KIAA0825: variants seen among roughly 807,000 people sequenced by gnomAD.
KIAA0825 encodes the protein KIAA0825.
KIAA0825 carries 119 observed loss-of-function variants against 147.6 expected under a neutral mutation model. The ratio of observed to expected loss-of-function variants is 0.81; its 90% CI spans 0.69 to 0.94. KIAA0825 has a LOEUF of 0.94. Among genes scored for constraint, KIAA0825 ranks in the 40% least tolerant of loss-of-function variants. KIAA0825 has a pLI of 0.00. For synonymous variants in KIAA0825, 470 were observed against 518.1 expected (o/e 0.91, Z 1.26); for missense variants, 1,381 against 1,472.7 (o/e 0.94, Z 1.02).
intron 20 of KIAA0825, among the ~76,000 whole-genome samples, chr5:94,213,061 A>G (rs1193378514): frequency 6.6e-6 from 1 of 152,204 alleles, no homozygotes; most frequent in African/African-American, 2.4e-5. Flanking sequence ...CCCATTTCAT[A>G]GATAAGGAAA....
chr5:94,384,402 C>T lies in KIAA0825; in HGVS notation c.3676G>A (p.Asp1226Asn), dbSNP rs1443557039. The change falls in exon 20 of 21, where the codon GAT (aspartate) becomes AAT (asparagine). Residue 1226 changes from aspartate to asparagine, a missense_variant. Coordinates refer to ENST00000682413, the MANE Select transcript of KIAA0825 (RefSeq NM_001145678.3). ...AGCAGCACACTGAAGGTCATCTTAT[C>T]CAGTCTCAGATAATTTGGCAGCAAC... ...AKLLPNYLRL[D>N]KMTFSVLLKN... The T allele has an allele frequency of 4.2e-5, 65 of 1,551,816 alleles. No individual in the cohort carries two copies. The highest frequency in any genetic ancestry group is 5.5e-5 in the Non-Finnish European group (63 of 1,146,980).
At chr5:94,562,992 T>C (rs1777819234) in intron 2 of KIAA0825, among the ~76,000 whole-genome samples, 1 of 152,134 alleles carries the variant, frequency 6.6e-6, no homozygotes, top group Non-Finnish European at 1.5e-5. Context: ...AGTTAAAATT[T>C]TACCCGTAGA....
chr5:94,561,000 A>G (rs999970345), intron 2 of KIAA0825, among the ~76,000 whole-genome samples: 1 of 152,172 alleles, frequency 6.6e-6, no homozygotes, highest in Non-Finnish European at 1.5e-5. Context: ...GTTACTCTGG[A>G]GGGCCCCTAG....
chr5:94,250,241 C>G (rs1427858473), intron 20 of KIAA0825, among the ~76,000 whole-genome samples: 2 of 152,072 alleles, frequency 1.3e-5, no homozygotes, highest in African/African-American at 4.8e-5. Flanking sequence ...CTTAATTCTA[C>G]TATGGCTCTC....
chr5:94,187,667 C>T lies in KIAA0825; in HGVS notation c.3711-33543G>A, dbSNP rs182940393. ...GTCTTGATCTCCTGACCTCGCGATC[C>T]GCCCACCTCGGCCTCCCAAAGTGCT... On this transcript the variant is annotated intron_variant, in intron 20 of 20. Coordinates refer to ENST00000682413, the MANE Select transcript of KIAA0825 (RefSeq NM_001145678.3). Among the ~76,000 whole-genome samples the T allele has an allele frequency of 3.2e-4, 48 of 152,028 alleles. 1 individual carries two copies. The highest frequency in any genetic ancestry group is 2.2e-3 in the Admixed American group (33 of 15,270).
intron 20 of KIAA0825, among the ~76,000 whole-genome samples, chr5:94,359,065 T>C (rs1744708842): frequency 6.6e-6 from 1 of 152,220 alleles, no homozygotes. Flanking sequence ...ATTTTAAGAC[T>C]TACCTGAATA....
intron 9 of KIAA0825, 100 bp downstream of exon 9, chr5:94,471,366 C>G: frequency 7.3e-6 from 9 of 1,230,254 alleles, no homozygotes; most frequent in Non-Finnish European, 7.8e-6. Context: ...TTATTATTTT[C>G]TCTTTCTCAA....
chr5:94,205,939 A>G (rs924076478), intron 20 of KIAA0825, among the ~76,000 whole-genome samples: 2 of 152,186 alleles, frequency 1.3e-5, no homozygotes, highest in African/African-American at 4.8e-5. Flanking sequence ...TGCTTGCACT[A>G]TACAGATCAA....
intron 2 of KIAA0825, among the ~76,000 whole-genome samples, chr5:94,572,565 C>T (rs145669068): frequency 7.9e-5 from 12 of 152,132 alleles, no homozygotes; most frequent in East Asian, 5.8e-4. Flanking sequence ...CACTCAAAAA[C>T]GAAAAATCTG....
chr5:94,374,600 T>A (rs1747254561), intron 20 of KIAA0825, among the ~76,000 whole-genome samples: 1 of 152,168 alleles, frequency 6.6e-6, no homozygotes, highest in East Asian at 1.9e-4. Context: ...AGCCAGTGTC[T>A]GAGCAAGGTG....
At chr5:94,582,750 C>T (rs1782437245) in intron 1 of KIAA0825, among the ~76,000 whole-genome samples, 167 bp from the exon 2 acceptor site, 1 of 152,116 alleles carries the variant, frequency 6.6e-6, no homozygotes, top group Admixed American at 6.5e-5. Context: ...CTGAAGATTA[C>T]ATACATAAGA....
chr5:94,501,588 T>G (rs1434786690), intron 5 of KIAA0825, among the ~76,000 whole-genome samples: 4 of 152,162 alleles, frequency 2.6e-5, no homozygotes, highest in Non-Finnish European at 4.4e-5. Flanking sequence ...TTTGCAGCAA[T>G]GAGAGGATGA....
rs557182866 is a variant in KIAA0825, at chr5:94,600,155, G to C, written c.-152-17572C>G. On this transcript the variant is annotated intron_variant, in intron 1 of 20. Transcript: ENST00000682413. Reference sequence around the variant, plus strand: ...TTAAAATAGGAATTGCATTAAATCTGTAGATTAATTTGGGGAAGTATTGCC... The same window carrying C: ...TTAAAATAGGAATTGCATTAAATCTCTAGATTAATTTGGGGAAGTATTGCC... Among the ~76,000 whole-genome samples the C allele has an allele frequency of 5.3e-5, 8 of 152,236 alleles. No homozygotes were observed. In the South Asian group the frequency reaches 8.3e-4, roughly 16 times the overall value.
intron 7 of KIAA0825, among the ~76,000 whole-genome samples, chr5:94,474,954 T>C (rs1312503019): frequency 6.6e-6 from 1 of 152,078 alleles, no homozygotes; most frequent in African/African-American, 2.4e-5. Flanking sequence ...CCGGGCGTGG[T>C]GGCACGTGCC....
chr5:94,593,116 C>T (rs980023548), intron 1 of KIAA0825: 40 of 743,088 alleles, frequency 5.4e-5, no homozygotes, highest in Non-Finnish European at 9.8e-5. Context: ...TGGCAATACC[C>T]TGGTGAATGT....
intron 1 of KIAA0825, among the ~76,000 whole-genome samples, chr5:94,602,107 T>C (rs893508382): frequency 6.6e-5 from 10 of 152,128 alleles, no homozygotes; most frequent in African/African-American, 2.4e-4. Flanking sequence ...CCCAGCACTT[T>C]GGGAGGCCAA....
At position 94,520,766 on chromosome 5, in the gene KIAA0825, T is replaced by C; in HGVS notation, c.452A>G (p.Asp151Gly). 1.2e-6 allele frequency: 2 copies of C among 1,613,394 alleles called. No homozygotes were observed. Among genetic ancestry groups the C allele is most frequent in the Non-Finnish European group, 1.7e-6 (2 of 1,179,444 alleles). Residue 151 changes from aspartate to glycine, a missense_variant, in exon 5 of 21, where the codon GAT (aspartate) becomes GGT (glycine). Asp to Gly is a moderately conservative substitution (Grantham distance 94). Coordinates refer to ENST00000682413, the MANE Select transcript of KIAA0825 (RefSeq NM_001145678.3). ...AGACTTGACATCCATAGAGGAATTA[T>C]CTTCAACAGAATGAAGAGACGTCCT... ...LSRTSLHSVE[D>G]NSSMDVKSMW...
intron 20 of KIAA0825, among the ~76,000 whole-genome samples, chr5:94,227,739 G>T: frequency 6.6e-6 from 1 of 151,466 alleles, no homozygotes. Context: ...ACCAAACACT[G>T]CATGTTCTCA....
At chr5:94,594,999 C>T (rs1785022849) in intron 1 of KIAA0825, among the ~76,000 whole-genome samples, 1 of 152,198 alleles carries the variant, frequency 6.6e-6, no homozygotes, top group Non-Finnish European at 1.5e-5. Flanking sequence ...TGTGGCTTTT[C>T]AGGGTATAGT....
Sources: gnomAD v4.1 joint callset for allele counts (sites outside exome capture counted in the v4.1 genomes callset) on GRCh38, gnomAD v4.1.1 for gene constraint, MANE v1.5 for transcripts, NCBI Gene and HGNC (gene_info 2026-07-23, HGNC 2026-07-21) for gene names.